The following HECW2 variants were observed in gnomAD, a reference collection of about 807,000 sequenced individuals.
HECW2 encodes HECT, C2 and WW domain containing E3 ubiquitin protein ligase 2, also known as E3 ubiquitin-protein ligase HECW2.
Under a neutral mutation model 175.2 loss-of-function variants are expected in HECW2, and 61 were observed. The ratio of observed to expected loss-of-function variants is 0.35; its 90% CI spans 0.28 to 0.43. HECW2 has a LOEUF of 0.43. Among genes scored for constraint, HECW2 ranks in the 20% least tolerant of loss-of-function variants. The probability of loss-of-function intolerance (pLI) is 1.00; values close to 1 mark genes in which losing one functional copy is unlikely to be tolerated. For missense variants in HECW2, 1,524 were observed against 2,000.5 expected, an observed-to-expected ratio of 0.76 and a Z score of 4.54; for synonymous variants, 671 against 731.0, an observed-to-expected ratio of 0.92 and a Z score of 1.32.
chr2:196,303,444 T>C (rs1329900081), intron 13 of HECW2, among the ~76,000 whole-genome samples: 1 of 152,226 alleles, frequency 6.6e-6, no homozygotes, highest in African/African-American at 2.4e-5. Flanking sequence ...GGAGGAGTCC[T>C]TCCTTTTCAA....
intron 21 of HECW2, among the ~76,000 whole-genome samples, chr2:196,235,102 T>A (rs1688192531): frequency 6.7e-6 from 1 of 149,580 alleles, no homozygotes; most frequent in South Asian, 2.1e-4. Context: ...ATTTTTGTAT[T>A]TTTTTTTTGT....
intron 28 of HECW2, among the ~76,000 whole-genome samples, chr2:196,204,119 G>GT (rs893433049): frequency 2.6e-5 from 4 of 152,104 alleles, no homozygotes; most frequent in Non-Finnish European, 5.9e-5. Context: ...ATGAACAGGA[G>GT]TTTTTTTCCT....
rs867912353 is a variant in HECW2 at position 196,585,876 on chromosome 2, G to A, written c.-36+7632C>T. Among the ~76,000 whole-genome samples the A allele has an allele frequency of 2.4e-4, 37 of 152,218 alleles. No homozygotes were observed. In the South Asian group the frequency reaches 2.5e-3, roughly 10 times the overall value. On this transcript the variant is annotated intron_variant, in intron 1 of 28. Transcript: ENST00000644978. ...TTGGATAAAATGAAGTGAAGCCTAA[G>A]GCAAAAACTTAAGAAAGATCATATC...
chr2:196,413,219 T>G (rs2125231522), intron 2 of HECW2, among the ~76,000 whole-genome samples: 1 of 152,156 alleles, frequency 6.6e-6, no homozygotes, highest in South Asian at 2.1e-4. Flanking sequence ...CCAGGCATGG[T>G]GGTGTACTGC....
intron 17 of HECW2, among the ~76,000 whole-genome samples, chr2:196,262,452 G>A (rs1689335165): frequency 6.6e-6 from 1 of 152,160 alleles, no homozygotes; most frequent in African/African-American, 2.4e-5. Context: ...ATCTCTCTGT[G>A]CCCCTTAGAG....
chr2:196,326,600 C>T (rs1692162527), intron 5 of HECW2, among the ~76,000 whole-genome samples: 3 of 151,998 alleles, frequency 2.0e-5, no homozygotes, highest in Admixed American at 1.3e-4. Flanking sequence ...CGTACCACCA[C>T]ACCCAGCGAA....
chr2:196,294,265 A>C (rs1227340566), intron 13 of HECW2, among the ~76,000 whole-genome samples: 1 of 152,186 alleles, frequency 6.6e-6, no homozygotes, highest in Non-Finnish European at 1.5e-5. Context: ...ACAGCAGAAG[A>C]GGAATAACTG....
chr2:196,574,591 A>T (rs1475491975), intron 1 of HECW2, among the ~76,000 whole-genome samples: 1 of 152,224 alleles, frequency 6.6e-6, no homozygotes, highest in East Asian at 1.9e-4. Context: ...ATAACATTAA[A>T]ATGTCCACTC....
At chr2:196,450,966 C>G (rs539656157) in intron 1 of HECW2, among the ~76,000 whole-genome samples, 1 of 151,726 alleles carries the variant, frequency 6.6e-6, no homozygotes. Context: ...AAAAGTCAAC[C>G]GAGAGATTTG....
intron 10 of HECW2, among the ~76,000 whole-genome samples, chr2:196,312,247 T>TGG (rs60211792): frequency 1.1e-5 from 1 of 87,064 alleles, no homozygotes; most frequent in African/African-American, 4.3e-5. Context: ...CAGGGATGGG[T>TGG]GGGGGGGTGC....
intron 1 of HECW2, among the ~76,000 whole-genome samples, chr2:196,518,909 TC>T (rs1439426938): frequency 1.3e-5 from 2 of 152,262 alleles, no homozygotes; most frequent in East Asian, 3.9e-4. Context: ...GGCGTCTGTC[TC>T]CACTACTACA....
At chr2:196,285,605 C>G (rs141438242) in intron 14 of HECW2, among the ~76,000 whole-genome samples, 1 of 152,176 alleles carries the variant, frequency 6.6e-6, no homozygotes, top group Non-Finnish European at 1.5e-5. Flanking sequence ...CAAATTATAA[C>G]TCTCTTCTCA....
intron 19 of HECW2, among the ~76,000 whole-genome samples, chr2:196,245,897 G>A (rs1329528839): frequency 6.6e-6 from 1 of 152,160 alleles, no homozygotes; most frequent in African/African-American, 2.4e-5. Flanking sequence ...CCAATGTTCA[G>A]GCCACACCCA....
At chr2:196,288,681 G>A (rs1346040186) in intron 14 of HECW2, 5 of 152,068 alleles carry the variant, frequency 3.3e-5, no homozygotes, top group African/African-American at 9.7e-5. Context: ...AGATTTTTTG[G>A]TTACTATTCT....
intron 1 of HECW2, among the ~76,000 whole-genome samples, chr2:196,590,781 C>A (rs912869395): frequency 6.6e-6 from 1 of 152,204 alleles, no homozygotes; most frequent in African/African-American, 2.4e-5. Flanking sequence ...ACCTTGGTTT[C>A]TTTGCCTTTG....
rs1277964567 is a variant in HECW2, at chr2:196,282,804, A to G, written c.3001-4142T>C. 3.3e-5 allele frequency among the ~76,000 whole-genome samples: 5 copies of G among 152,316 alleles called. No individual in the cohort carries two copies. The East Asian group carries it at 9.7e-4, about 29-fold the overall frequency. ...CTCTGTGTTGGTGTTAATGCTGGTC[A>G]GCTGCAAGGCATATCCAACCCCCCA... On this transcript the variant is annotated intron_variant, in intron 14 of 28. Coordinates refer to ENST00000644978, the MANE Select transcript of HECW2 (RefSeq NM_001348768.2).
intron 1 of HECW2, among the ~76,000 whole-genome samples, chr2:196,538,564 T>A (rs1289747645): frequency 1.3e-5 from 2 of 152,162 alleles, no homozygotes; most frequent in Admixed American, 1.3e-4. Flanking sequence ...TAGTCTTGTA[T>A]CAGGGAAGCC....
At chr2:196,490,269 G>A (rs1309805492) in intron 1 of HECW2, among the ~76,000 whole-genome samples, 2 of 151,552 alleles carry the variant, frequency 1.3e-5, no homozygotes, top group Admixed American at 1.3e-4. Context: ...TTAAAAGAGG[G>A]GTTATTCAAA....
intron 17 of HECW2, among the ~76,000 whole-genome samples, chr2:196,268,661 C>G (rs895559051): frequency 6.6e-6 from 1 of 152,108 alleles, no homozygotes; most frequent in Non-Finnish European, 1.5e-5. Flanking sequence ...TAATGTGGAA[C>G]GCAGAGAAAA....
Sources: allele counts gnomAD v4.1 joint callset (sites outside exome capture counted in the v4.1 genomes callset), GRCh38; gene constraint gnomAD v4.1.1; transcripts MANE v1.5; gene names NCBI Gene and HGNC (gene_info 2026-07-23, HGNC 2026-07-21).